The following PPP4R3B variants were observed in gnomAD, a reference collection of about 807,000 sequenced individuals.
PPP4R3B encodes the protein serine/threonine-protein phosphatase 4 regulatory subunit 3B.
Under a neutral mutation model 95.4 loss-of-function variants are expected in PPP4R3B, and 52 were observed. The observed-to-expected ratio is 0.54, with a 90% CI of 0.44 to 0.69. The LOEUF is 0.69. Among genes scored for constraint, PPP4R3B ranks in the 30% least tolerant of loss-of-function variants. PPP4R3B has a pLI of 0.00. For missense variants in PPP4R3B, 1,003 were observed against 1,005.9 expected (o/e 1.00, Z 0.04); for synonymous variants, 407 against 343.9 (o/e 1.18, Z -2.03).
At chr2:55,555,278 T>TAAAAAAAAAA (rs372423262) in intron 16 of PPP4R3B, among the ~76,000 whole-genome samples, 13 of 108,792 alleles carry the variant, frequency 1.2e-4, no homozygotes, top group Admixed American at 3.1e-4. Context: ...AGACTCCGTC[T>TAAAAAAAAAA]AAAAAAAAAA....
chr2:55,571,140 C>G (rs1374643293), intron 12 of PPP4R3B, among the ~76,000 whole-genome samples: 2 of 152,056 alleles, frequency 1.3e-5, no homozygotes, highest in Admixed American at 6.6e-5. Context: ...GAAACCCCAT[C>G]TCTACTAAAA....
intron 2 of PPP4R3B, among the ~76,000 whole-genome samples, chr2:55,606,546 G>C (rs1470515476): frequency 6.6e-6 from 1 of 151,832 alleles, no homozygotes; most frequent in East Asian, 1.9e-4. Flanking sequence ...TATTGGCCAG[G>C]CACAGTGGCT....
At chr2:55,589,590 T>C (rs1200727300) in intron 4 of PPP4R3B, among the ~76,000 whole-genome samples, 1 of 152,208 alleles carries the variant, frequency 6.6e-6, no homozygotes, top group East Asian at 1.9e-4. Context: ...TGCTAATTTC[T>C]ACAGGCGTTG....
intron 12 of PPP4R3B, among the ~76,000 whole-genome samples, chr2:55,572,695 C>G (rs1474558963): frequency 1.3e-5 from 2 of 152,102 alleles, no homozygotes; most frequent in African/African-American, 2.4e-5. Context: ...TTACCAATCC[C>G]ATTATTGAGA....
chr2:55,608,208 T>C (rs897866378), intron 2 of PPP4R3B, among the ~76,000 whole-genome samples: 3 of 152,206 alleles, frequency 2.0e-5, no homozygotes, highest in Admixed American at 6.5e-5. Context: ...TTTCACCATG[T>C]TGGCCAGGCT....
At chr2:55,611,291 A>G (rs572441729) in intron 2 of PPP4R3B, among the ~76,000 whole-genome samples, 1 of 152,266 alleles carries the variant, frequency 6.6e-6, no homozygotes, top group African/African-American at 2.4e-5. Context: ...CCTCCCAAGG[A>G]GCTGGGACCA....
At chr2:55,595,553 G>A (rs937433763) in intron 4 of PPP4R3B, among the ~76,000 whole-genome samples, 5 of 151,794 alleles carry the variant, frequency 3.3e-5, no homozygotes, top group Non-Finnish European at 5.9e-5. Flanking sequence ...GTCATTTTAT[G>A]TTTATGTAAA....
chr2:55,574,456 T>TA (rs766127686), intron 11 of PPP4R3B, among the ~76,000 whole-genome samples: 146 of 152,194 alleles, frequency 9.6e-4, no homozygotes, highest in Admixed American at 1.9e-3. Flanking sequence ...GGCCCATTGT[T>TA]AAAAAATACT....
In PPP4R3B at chr2:55,578,288, T is replaced by A. The variant is rs1294141385; in HGVS notation, c.1523A>T (p.His508Leu). ...AGAGGGGGTAGAATGGGAATGGGAA[T>A]GTGAAGGGGTACATATGAAACTCCA... Reference protein sequence around the residue: ...YSWSFICTPSHSHSHSTPSSS... With the variant: ...YSWSFICTPSLSHSHSTPSSS... Residue 508 changes from histidine (H) to leucine (L), a missense_variant, in exon 10 of 17, where the codon CAT (histidine) becomes CTT (leucine). By Grantham distance (99) the His-to-Leu change is moderately conservative. This residue lies in a region of PPP4R3B where 695 missense variants were observed against 686.2 expected (regional missense o/e 1.01). Coordinates refer to ENST00000616407, the MANE Select transcript of PPP4R3B (RefSeq NM_001122964.3). The A allele has an allele frequency of 1.3e-6, 2 of 1,482,570 alleles. No individual in the cohort carries two copies. Among genetic ancestry groups the A allele is most frequent in the Admixed American group, 4.7e-5 (2 of 42,402 alleles). The allele number at this position is 1,482,570 out of a possible 1,614,324, so 91.8% of individuals were successfully genotyped here. A position where few individuals can be genotyped will look rare whatever the true frequency, so the allele number is the denominator to read the frequency against.
rs114250589 is a variant in PPP4R3B, at chr2:55,584,791, T to C, written c.1233+260A>G. Among the ~76,000 whole-genome samples, 455 of 152,360 alleles carry C rather than the reference T, an allele frequency of 3.0e-3. 2 individuals are homozygous for C. The highest frequency in any genetic ancestry group is 4.6e-3 in the Non-Finnish European group (315 of 68,034). ...TTACATTTCATTAACACTTGAAATT[T>C]AAGACCAATATTTACAAATCTGATT... On this transcript the variant is annotated intron_variant, in intron 7 of 16. Coordinates refer to ENST00000616407, the MANE Select transcript of PPP4R3B (RefSeq NM_001122964.3).
chr2:55,585,067 G>A lies in PPP4R3B; in HGVS notation c.1217C>T (p.Ala406Val). 1 of 1,610,472 alleles carries A rather than the reference G, an allele frequency of 6.2e-7. No homozygotes were observed. The highest frequency in any genetic ancestry group is 1.1e-5 in the South Asian group (1 of 90,370). ...SMVREFVMQEAQQSDDDILLI... is the reference protein window; with the variant it reads ...SMVREFVMQEVQQSDDDILLI... ...ATTACTTACGTCATCACTCTGCTGA[G>A]CTTCTTGCATTACAAACTCTCGGAC... The change falls in exon 7 of 17, where the codon GCT becomes GTT. Residue 406 changes from alanine to valine, a missense_variant. Transcript: ENST00000616407.
chr2:55,598,283 C>T (rs1692075738), intron 4 of PPP4R3B, 133 bp downstream of exon 4: 4 of 917,212 alleles, frequency 4.4e-6, no homozygotes, highest in Non-Finnish European at 6.4e-6. Context: ...CTTTTGTTTA[C>T]TTTAAATGTA....
In PPP4R3B at chr2:55,548,853, T is replaced by G. The variant is rs1684960888; in HGVS notation, c.*1058A>C. On this transcript the variant is annotated 3_prime_UTR_variant, in exon 17 of 17. Coordinates refer to ENST00000616407, the MANE Select transcript of PPP4R3B (RefSeq NM_001122964.3). ...CCTCAATTTATTTTTAAAATTCACTTACGTATATGGAATGTGCTTTTACTC... is the reference window on the plus strand; with the variant it reads ...CCTCAATTTATTTTTAAAATTCACTGACGTATATGGAATGTGCTTTTACTC... The G allele has an allele frequency of 6.5e-6, 1 of 152,682 alleles. No homozygotes were observed. The highest frequency in any genetic ancestry group is 1.5e-5 in the Non-Finnish European group (1 of 68,046). 9.5% of individuals were successfully genotyped at this position (152,682 alleles called of 1,614,324 possible). A position where few individuals can be genotyped will look rare whatever the true frequency, so the allele number is the denominator to read the frequency against.
intron 5 of PPP4R3B, among the ~76,000 whole-genome samples, chr2:55,588,021 A>G (rs376806098): frequency 2.0e-5 from 3 of 152,328 alleles, no homozygotes; most frequent in South Asian, 4.1e-4. Context: ...ACTATAACAT[A>G]TACTTTCCCT....
chr2:55,594,691 T>C (rs778382692), intron 4 of PPP4R3B, among the ~76,000 whole-genome samples: 1 of 152,196 alleles, frequency 6.6e-6, no homozygotes, highest in Non-Finnish European at 1.5e-5. Flanking sequence ...CTACAGACTG[T>C]GACTCTGTCC....
chr2:55,559,065 T>G (rs1686244044), intron 15 of PPP4R3B, 97 bp from the exon 16 acceptor site: 1 of 966,906 alleles, frequency 1.0e-6, no homozygotes, highest in Non-Finnish European at 1.5e-6. Flanking sequence ...AAAACATTGC[T>G]GCCCGGGCAT....
At chr2:55,585,711 C>T (rs1418386831) in intron 6 of PPP4R3B, among the ~76,000 whole-genome samples, 1 of 152,158 alleles carries the variant, frequency 6.6e-6, no homozygotes, top group Non-Finnish European at 1.5e-5. Flanking sequence ...TCCCCTCCAA[C>T]ACATGAAGAG....
intron 11 of PPP4R3B, among the ~76,000 whole-genome samples, chr2:55,574,780 G>C (rs1688433191): frequency 6.6e-6 from 1 of 150,874 alleles, no homozygotes; most frequent in African/African-American, 2.4e-5. Flanking sequence ...ATTTTTAGTA[G>C]AGATGAGGTT....
chr2:55,557,784 C>T (rs942542159), intron 16 of PPP4R3B, among the ~76,000 whole-genome samples: 1 of 151,896 alleles, frequency 6.6e-6, no homozygotes, highest in African/African-American at 2.4e-5. Flanking sequence ...CTATTTATGC[C>T]TTTTTATTTT....
Sources: gnomAD v4.1 joint callset for allele counts (sites outside exome capture counted in the v4.1 genomes callset) on GRCh38, gnomAD v4.1.1 for gene constraint, gnomAD v4.1.1 regional missense constraint, MANE v1.5 for transcripts, NCBI Gene and HGNC (gene_info 2026-07-23, HGNC 2026-07-21) for gene names.